DEF8: variants seen among roughly 807,000 people sequenced by gnomAD.
DEF8 encodes the protein differentially expressed in FDCP 8 homolog.
Under a neutral mutation model 59.1 loss-of-function variants are expected in DEF8, and 38 were observed. The ratio of observed to expected loss-of-function variants is 0.64; its 90% CI spans 0.50 to 0.84. The LOEUF (loss-of-function observed/expected upper bound fraction) is 0.84. Among genes scored for constraint, DEF8 ranks in the 40% least tolerant of loss-of-function variants. The pLI is 0.00. For synonymous variants in DEF8, 265 were observed against 250.1 expected, an observed-to-expected ratio of 1.06 and a Z score of -0.56; for missense variants, 557 against 615.2, an observed-to-expected ratio of 0.91 and a Z score of 1.00.
At chr16:89,953,205 C>A (rs967383537) in intron 2 of DEF8, among the ~76,000 whole-genome samples, 2 of 152,202 alleles carry the variant, frequency 1.3e-5, no homozygotes, top group Non-Finnish European at 2.9e-5. Context: ...CATCAACAGA[C>A]CTTACAGCGA....
At chr16:89,949,732 T>A in intron 2 of DEF8, 1 of 1,239,748 alleles carries the variant, frequency 8.1e-7, no homozygotes, top group Non-Finnish European at 1.1e-6. Context: ...CATTGCTAAG[T>A]TGTGGGGTCC....
chr16:89,953,521 C>A (rs907658851), intron 2 of DEF8, among the ~76,000 whole-genome samples: 2 of 152,224 alleles, frequency 1.3e-5, no homozygotes, highest in Non-Finnish European at 2.9e-5. Context: ...AGGCACAGAG[C>A]CGTGGGCCTG....
At chr16:89,958,660 C>G (rs557099795) in intron 5 of DEF8, 1 of 285,536 alleles carries the variant, frequency 3.5e-6, no homozygotes, top group Non-Finnish European at 6.8e-6. Flanking sequence ...TTGGGGAGGG[C>G]CTCCTTTTCC....
intron 9 of DEF8, 53 bp downstream of exon 9, chr16:89,962,178 C>A: frequency 6.6e-7 from 1 of 1,514,878 alleles, no homozygotes. Context: ...CAGGTGGGCC[C>A]TAGGGCCGGG....
At chr16:89,957,435 T>C in intron 4 of DEF8, 76 bp from the exon 5 acceptor site, 1 of 1,472,382 alleles carries the variant, frequency 6.8e-7, no homozygotes, top group Non-Finnish European at 9.1e-7. Flanking sequence ...GCTCTGGGCC[T>C]GTCTCGGCGG....
At chr16:89,957,458 A>C (rs2033392756) in intron 4 of DEF8, 53 bp from the exon 5 acceptor site, 1 of 1,532,904 alleles carries the variant, frequency 6.5e-7, no homozygotes. Flanking sequence ...GGGCCTTAAC[A>C]GGGAGCTCCT....
chr16:89,967,680 C>T lies in DEF8; in HGVS notation c.*1717C>T, dbSNP rs2034674491. ...AACACCCCAAAGTCTGCACACGTCT[C>T]ATGAATGCATCACATTTCTGTCATA... On this transcript the variant is annotated 3_prime_UTR_variant, in exon 13 of 13. Coordinates refer to ENST00000563594, the MANE Select transcript of DEF8 (RefSeq NM_001242818.2). The T allele has an allele frequency of 2.5e-6, 1 of 393,622 alleles. No individual in the cohort carries two copies. Among genetic ancestry groups the T allele is most frequent in the East Asian group, 3.6e-5 (1 of 27,732 alleles). 24.4% of individuals were successfully genotyped at this position (393,622 alleles called of 1,614,324 possible).
At chr16:89,964,034 C>A in intron 10 of DEF8, 136 bp from the exon 11 acceptor site, 1 of 1,210,214 alleles carries the variant, frequency 8.3e-7, no homozygotes, top group Non-Finnish European at 1.2e-6. Context: ...CTCCTGGATT[C>A]TACTCCTGGG....
chr16:89,962,065 C>T lies in DEF8; in HGVS notation c.861C>T (p.Leu287=), dbSNP rs376017026. 1.2e-6 allele frequency: 2 copies of T among 1,614,108 alleles called. No homozygotes were observed. The highest frequency in any genetic ancestry group is 8.5e-7 in the Non-Finnish European group (1 of 1,180,002). The stretch of plus-strand genomic sequence containing the variant: ...CGCTGATGGTGTCTCGGCCCGTACT[C>T]AGGCTCCGGGAGATCAACCCTCTGC... ...YLALMVSRPV[L]RLREINPLLF... The change falls in exon 9 of 13, where the codon CTC becomes CTT. Residue 287 remains leucine (L), a synonymous_variant. Coordinates refer to ENST00000563594, the MANE Select transcript of DEF8 (RefSeq NM_001242818.2).
intron 4 of DEF8, chr16:89,956,468 A>C (rs1437769277): frequency 6.6e-6 from 1 of 151,052 alleles, no homozygotes; most frequent in Non-Finnish European, 1.5e-5. Context: ...AAAAAAAAAA[A>C]GAGGGAGAGA....
intron 2 of DEF8, among the ~76,000 whole-genome samples, chr16:89,952,169 G>A (rs188531582): frequency 4.6e-5 from 7 of 152,332 alleles, no homozygotes; most frequent in East Asian, 1.9e-4. Flanking sequence ...GAGCCACGGC[G>A]CCCAGCCCAT....
intron 6 of DEF8, among the ~76,000 whole-genome samples, chr16:89,959,552 T>G (rs1032348933): frequency 6.6e-6 from 1 of 152,246 alleles, no homozygotes. Flanking sequence ...TGGAGTGCAG[T>G]GGTGCAATCT....
intron 10 of DEF8, 79 bp from the exon 11 acceptor site, chr16:89,964,091 G>T: frequency 1.3e-6 from 2 of 1,587,378 alleles, no homozygotes; most frequent in South Asian, 2.2e-5. Context: ...CCTGGGCCCT[G>T]ACCACTGCAG....
chr16:89,958,707 CAG>C (rs2033610813), intron 5 of DEF8, among the ~76,000 whole-genome samples: 2 of 152,328 alleles, frequency 1.3e-5, no homozygotes, highest in South Asian at 4.1e-4. Flanking sequence ...GCAGGAGGGG[CAG>C]AGAGGCCGGG....
chr16:89,964,793 C>G (rs1597536955), intron 12 of DEF8, among the ~76,000 whole-genome samples: 1 of 152,190 alleles, frequency 6.6e-6, no homozygotes, highest in Non-Finnish European at 1.5e-5. Context: ...GGAGCGGCAC[C>G]TGGGGGATGA....
intron 6 of DEF8, 104 bp downstream of exon 6, chr16:89,959,259 G>C: frequency 6.4e-7 from 1 of 1,559,374 alleles, no homozygotes; most frequent in Non-Finnish European, 8.7e-7. Context: ...GTGGCCACTA[G>C]CCAAACATGG....
chr16:89,949,225 G>A (rs1035489368), intron 1 of DEF8, among the ~76,000 whole-genome samples, 192 bp from the exon 2 acceptor site: 54 of 152,036 alleles, frequency 3.6e-4, no homozygotes, highest in African/African-American at 1.3e-3. Context: ...CCAGCTGCGT[G>A]CGGAGCACCC....
intron 5 of DEF8, chr16:89,957,960 A>C (rs1020573926): frequency 3.0e-5 from 7 of 230,958 alleles, no homozygotes; most frequent in Non-Finnish European, 6.0e-5. Context: ...CAGTGTCAGG[A>C]ATCTTGCTCT....
chr16:89,964,709 C>CCCAAAGAG, intron 12 of DEF8, 134 bp downstream of exon 12: 1 of 648,912 alleles, frequency 1.5e-6, no homozygotes, highest in Non-Finnish European at 2.7e-6. Flanking sequence ...GACATAAAGA[C>CCCAAAGAG]TCTTTGGGTC....
Sources: gnomAD v4.1 joint callset for allele counts (sites outside exome capture counted in the v4.1 genomes callset) on GRCh38, gnomAD v4.1.1 for gene constraint, MANE v1.5 for transcripts, NCBI Gene and HGNC (gene_info 2026-07-23, HGNC 2026-07-21) for gene names.